Variants in PLD5 observed in about 807,000 individuals in gnomAD.
PLD5 encodes inactive phospholipase D5.
PLD5 carries 36 observed loss-of-function variants against 61.1 expected under a neutral mutation model. The ratio of observed to expected loss-of-function variants is 0.59; its 90% CI spans 0.45 to 0.78. PLD5 has a LOEUF of 0.78. PLD5 is among the 30% of genes least tolerant of loss of function. The probability of loss-of-function intolerance (pLI) is 0.00; values close to 1 mark genes in which losing one functional copy is unlikely to be tolerated. For synonymous variants in PLD5, 243 were observed against 242.8 expected (o/e 1.00, Z -0.01); for missense variants, 515 against 644.4 (o/e 0.80, Z 2.17).
intron 5 of PLD5, among the ~76,000 whole-genome samples, chr1:242,204,575 C>T (rs767764937): frequency 6.6e-6 from 1 of 152,062 alleles, no homozygotes; most frequent in Non-Finnish European, 1.5e-5. Flanking sequence ...GATCTAGTGA[C>T]CTAAACAACT....
intron 1 of PLD5, among the ~76,000 whole-genome samples, chr1:242,361,005 T>C (rs575508980): frequency 3.9e-4 from 59 of 152,116 alleles, no homozygotes; most frequent in Non-Finnish European, 6.6e-4. Context: ...AGGTACATAG[T>C]GGGCATTCAA....
chr1:242,293,276 C>T (rs1675473971), intron 2 of PLD5, among the ~76,000 whole-genome samples: 1 of 152,124 alleles, frequency 6.6e-6, no homozygotes, highest in Non-Finnish European at 1.5e-5. Context: ...GTGAAATTCC[C>T]TGGGAGCCAA....
intron 1 of PLD5, among the ~76,000 whole-genome samples, chr1:242,421,290 C>G (rs73135710): frequency 0.034 from 5,067 of 151,052 alleles, 292 homozygotes; most frequent in African/African-American, 0.11. Flanking sequence ...TAAGCATTTT[C>G]TAAAGATTTA....
chr1:242,440,553 C>A lies in PLD5; in HGVS notation c.189+83535G>T, dbSNP rs371698833. 2.0e-5 allele frequency among the ~76,000 whole-genome samples: 3 copies of A among 152,340 alleles called. No homozygotes were observed. In the East Asian group the frequency reaches 5.8e-4, roughly 29 times the overall value. ...ATTTATCAACATCTAATGCAGTTAA[C>A]CAATTATGAGGGCCAAGCGGACCAT... On this transcript the variant is annotated intron_variant, in intron 1 of 9. Coordinates refer to ENST00000536534, the MANE Select transcript of PLD5 (RefSeq NM_001372062.1).
At chr1:242,518,232 C>A (rs2103009273) in intron 1 of PLD5, among the ~76,000 whole-genome samples, 1 of 152,228 alleles carries the variant, frequency 6.6e-6, no homozygotes, top group South Asian at 2.1e-4. Flanking sequence ...AAACTGGGCT[C>A]TTTTTCTTTC....
At chr1:242,180,508 A>G (rs1282844240) in intron 5 of PLD5, among the ~76,000 whole-genome samples, 1 of 151,516 alleles carries the variant, frequency 6.6e-6, no homozygotes, top group Non-Finnish European at 1.5e-5. Context: ...ATTGAATTAG[A>G]AAAAAAAATC....
intron 5 of PLD5, among the ~76,000 whole-genome samples, chr1:242,218,912 C>T (rs550503951): frequency 2.0e-4 from 30 of 152,204 alleles, no homozygotes; most frequent in Admixed American, 9.8e-4. Flanking sequence ...TCTTTACATG[C>T]GTAGAAAAAT....
At chr1:242,273,572 A>C (rs1213649666) in intron 3 of PLD5, among the ~76,000 whole-genome samples, 1 of 152,212 alleles carries the variant, frequency 6.6e-6, no homozygotes, top group Non-Finnish European at 1.5e-5. Flanking sequence ...GGGAACCTTA[A>C]TCAGGCTGTT....
intron 5 of PLD5, among the ~76,000 whole-genome samples, chr1:242,203,169 C>G (rs930627758): frequency 1.3e-5 from 2 of 152,122 alleles, no homozygotes; most frequent in African/African-American, 4.8e-5. Context: ...ACCTATGACC[C>G]GCTTCCAATT....
intron 1 of PLD5, among the ~76,000 whole-genome samples, chr1:242,460,002 T>G (rs1667067887): frequency 6.6e-6 from 1 of 152,208 alleles, no homozygotes; most frequent in South Asian, 2.1e-4. Context: ...TTCCCTGGAT[T>G]GTTTGTAACC....
At chr1:242,119,715 A>G (rs1662223072) in intron 6 of PLD5, among the ~76,000 whole-genome samples, 1 of 152,142 alleles carries the variant, frequency 6.6e-6, no homozygotes, top group Non-Finnish European at 1.5e-5. Context: ...AAACTCTCAT[A>G]TATTGCTGGT....
Position 242,087,299 on chromosome 1 carries a change from G to T in PLD5, c.*2555C>A, listed in dbSNP as rs1659520527. On this transcript the variant is annotated 3_prime_UTR_variant, in exon 10 of 10. Coordinates refer to ENST00000536534, the MANE Select transcript of PLD5 (RefSeq NM_001372062.1). Reference sequence around the variant, plus strand: ...AAAAGCCTGGGATGCGGCTCCTGGTGATAGCATTTTGCCAGGCCTCAAAAG... The same window carrying T: ...AAAAGCCTGGGATGCGGCTCCTGGTTATAGCATTTTGCCAGGCCTCAAAAG... 1 of 152,080 alleles carries T rather than the reference G, an allele frequency of 6.6e-6. No homozygotes were observed. Among genetic ancestry groups the T allele is most frequent in the African/African-American group, 2.4e-5 (1 of 41,412 alleles). 9.4% of individuals were successfully genotyped at this position (152,080 alleles called of 1,614,324 possible).
rs75981401 is a variant in PLD5 at position 242,227,767 on chromosome 1, G to A, written c.608-7652C>T. Reference sequence around the variant, plus strand: ...CTGTGGGGACCATCCTTTGATGTGCGTCTGTTACATGCTTTTTAGGACATG... The same window carrying A: ...CTGTGGGGACCATCCTTTGATGTGCATCTGTTACATGCTTTTTAGGACATG... On this transcript the variant is annotated intron_variant, in intron 4 of 9. Transcript: ENST00000536534. 1.0e-3 allele frequency among the ~76,000 whole-genome samples: 157 copies of A among 152,280 alleles called. 1 individual carries two copies. Among genetic ancestry groups the A allele is most frequent in the Admixed American group, 1.6e-3 (25 of 15,292 alleles).
intron 2 of PLD5, among the ~76,000 whole-genome samples, chr1:242,293,048 C>A (rs954272243): frequency 6.6e-6 from 1 of 152,160 alleles, no homozygotes; most frequent in Non-Finnish European, 1.5e-5. Flanking sequence ...CATCTCTTCC[C>A]TTTTCTTTGA....
chr1:242,445,806 A>G (rs753652240), intron 1 of PLD5, among the ~76,000 whole-genome samples: 1 of 140,876 alleles, frequency 7.1e-6, no homozygotes, highest in Non-Finnish European at 1.5e-5. Flanking sequence ...TGCCAGGGTC[A>G]TTTGCTTTAC....
chr1:242,251,937 A>T (rs1234325572), intron 4 of PLD5, among the ~76,000 whole-genome samples: 1 of 152,198 alleles, frequency 6.6e-6, no homozygotes, highest in East Asian at 1.9e-4. Flanking sequence ...GAGCACTGTG[A>T]TGGGAGAGTC....
chr1:242,529,665 AG>A (rs1399039654), upstream of PLD5, among the ~76,000 whole-genome samples: 1 of 151,996 alleles, frequency 6.6e-6, no homozygotes, highest in Non-Finnish European at 1.5e-5. Context: ...TGGGGAGGAG[AG>A]GGAGAGGTCA....
intron 5 of PLD5, among the ~76,000 whole-genome samples, chr1:242,132,660 C>G (rs1663386451): frequency 2.6e-5 from 4 of 152,050 alleles, no homozygotes; most frequent in Admixed American, 6.6e-5. Context: ...ATCTTGGGAG[C>G]TGAAAGCAGC....
chr1:242,271,724 A>C (rs2149113223), intron 3 of PLD5, among the ~76,000 whole-genome samples: 1 of 152,348 alleles, frequency 6.6e-6, no homozygotes, highest in South Asian at 2.1e-4. Flanking sequence ...ATTTAAAGAA[A>C]AACTGTAACC....
Sources: allele counts gnomAD v4.1 joint callset (sites outside exome capture counted in the v4.1 genomes callset), GRCh38; gene constraint gnomAD v4.1.1; transcripts MANE v1.5; gene names NCBI Gene and HGNC (gene_info 2026-07-23, HGNC 2026-07-21).